Variants in GPR149 observed in about 807,000 individuals in gnomAD.
GPR149 encodes the protein G protein-coupled receptor 149, also known as probable G protein-coupled receptor 149.
GPR149 carries 50 observed loss-of-function variants against 50.2 expected under a neutral mutation model. The observed-to-expected ratio is 1.00, with a 90% CI of 0.79 to 1.26. The LOEUF is 1.26. Among genes scored for constraint, GPR149 ranks in the 50% most tolerant of loss-of-function variants. The probability of loss-of-function intolerance (pLI) is 0.00; values close to 1 mark genes in which losing one functional copy is unlikely to be tolerated. For synonymous variants in GPR149, 405 were observed against 358.2 expected (o/e 1.13, Z -1.48); for missense variants, 983 against 895.4 (o/e 1.10, Z -1.25).
chr3:154,351,157 G>A, intron 3 of GPR149, among the ~76,000 whole-genome samples: 1 of 151,482 alleles, frequency 6.6e-6, no homozygotes, highest in African/African-American at 2.4e-5. Context: ...GTTGCTAGAG[G>A]GATAGAGACA....
At chr3:154,361,281 C>T (rs1714372852) in intron 3 of GPR149, among the ~76,000 whole-genome samples, 1 of 152,128 alleles carries the variant, frequency 6.6e-6, no homozygotes, top group Admixed American at 6.5e-5. Flanking sequence ...AGACACTTGC[C>T]TTCAGGGGAA....
Position 154,429,327 on chromosome 3 carries a change from C to G in GPR149, c.289G>C (p.Val97Leu). The G allele has an allele frequency of 1.2e-6, 2 of 1,614,156 alleles. No individual in the cohort carries two copies. The highest frequency in any genetic ancestry group is 1.7e-6 in the Non-Finnish European group (2 of 1,180,016). ...IFMFLQWPNEVPGYFQFLCTT... is the reference protein window; with the variant it reads ...IFMFLQWPNELPGYFQFLCTT... ...CACAGAAATTGGAAGTAACCGGGGA[C>G]CTCGTTTGGCCACTGCAAAAACATG... is the stretch of plus-strand genomic sequence containing the variant. Residue 97 changes from valine to leucine, a missense_variant, in exon 1 of 4, where the codon GTC becomes CTC. Val to Leu is a conservative substitution (Grantham distance 32). Coordinates refer to ENST00000389740, the MANE Select transcript of GPR149 (RefSeq NM_001038705.3).
intron 3 of GPR149, among the ~76,000 whole-genome samples, chr3:154,372,732 G>A (rs1042025999): frequency 3.3e-5 from 5 of 152,142 alleles, no homozygotes; most frequent in African/African-American, 1.2e-4. Flanking sequence ...TGAGATATTG[G>A]TATATCAAGA....
chr3:154,407,419 G>A (rs1447114956), intron 3 of GPR149, among the ~76,000 whole-genome samples: 3 of 151,918 alleles, frequency 2.0e-5, no homozygotes, highest in Non-Finnish European at 2.9e-5. Flanking sequence ...CAGGGGTGTG[G>A]GTTAGCAATT....
intron 3 of GPR149, among the ~76,000 whole-genome samples, chr3:154,339,949 C>G (rs1452003155): frequency 6.6e-6 from 1 of 151,680 alleles, no homozygotes; most frequent in African/African-American, 2.4e-5. Flanking sequence ...ACCACCACCC[C>G]CGCCTAATTT....
At chr3:154,423,418 C>A (rs1712200761) in intron 2 of GPR149, among the ~76,000 whole-genome samples, 1 of 151,788 alleles carries the variant, frequency 6.6e-6, no homozygotes, top group Non-Finnish European at 1.5e-5. Flanking sequence ...TCTTGCTAAT[C>A]AGACCCATGA....
intron 3 of GPR149, among the ~76,000 whole-genome samples, chr3:154,397,717 C>G (rs577510986): frequency 6.6e-6 from 1 of 152,252 alleles, no homozygotes; most frequent in South Asian, 2.1e-4. Context: ...TTAAAGCTAG[C>G]ACTGTGACAT....
rs764434189 is a variant in GPR149 at position 154,428,785 on chromosome 3, C to T, written c.831G>A (p.Pro277=). 6.2e-7 allele frequency: 1 copy of T among 1,613,938 alleles called. No homozygotes were observed. The highest frequency in any genetic ancestry group is 1.1e-5 in the South Asian group (1 of 91,076). Residue 277 remains proline, a synonymous_variant, in exon 1 of 4, where the codon CCG becomes CCA. Coordinates refer to ENST00000389740, the MANE Select transcript of GPR149 (RefSeq NM_001038705.3). The part of the protein sequence containing the change: ...CSPSSDTVFG[P]GAPAAAGAEA... ...CAGCCCCAGCGGCAGCGGGCGCACC[C>T]GGTCCGAACACGGTGTCGGAGCTCG...
At chr3:154,364,329 A>G (rs1010907297) in intron 3 of GPR149, among the ~76,000 whole-genome samples, 5 of 152,172 alleles carry the variant, frequency 3.3e-5, no homozygotes, top group African/African-American at 7.2e-5. Flanking sequence ...CCACTCTTGG[A>G]TCCTCAAAAT....
chr3:154,401,572 AT>A lies in GPR149; in HGVS notation c.1623+19466del, dbSNP rs1047106566. On this transcript the variant is annotated intron_variant, in intron 3 of 3. Transcript: ENST00000389740. ...TACCTAAGGAGAAAAACAACTATTA[AT>A]TCCTAGAGTATGTGATATCCAGAAG... Among the ~76,000 whole-genome samples, 6 of 152,314 alleles carry A rather than the reference AT, an allele frequency of 3.9e-5. No individual in the cohort carries two copies. The South Asian group carries it at 1.2e-3, about 32-fold the overall frequency.
At position 154,429,446 on chromosome 3, in the gene GPR149, GA is replaced by G; in HGVS notation, c.169del (p.Ser57ProfsTer3). 6.2e-7 allele frequency: 1 copy of G among 1,614,180 alleles called. No homozygotes were observed. The highest frequency in any genetic ancestry group is 8.5e-7 in the Non-Finnish European group (1 of 1,180,030). ...AGTTCTGTTCTGCATTTTCAGCAGGGAAATTAGTGAATAAATGCTGCCCACC... is the reference window on the plus strand; with the variant it reads ...AGTTCTGTTCTGCATTTTCAGCAGGGAATTAGTGAATAAATGCTGCCCACC... ...ALVGSIYSLI[S>X]LLKMQNRTVV... On this transcript the variant is annotated frameshift_variant, in exon 1 of 4. Coordinates refer to ENST00000389740, the MANE Select transcript of GPR149 (RefSeq NM_001038705.3). LOFTEE classifies it high-confidence loss of function.
At chr3:154,410,486 A>G (rs1287724575) in intron 3 of GPR149, among the ~76,000 whole-genome samples, 1 of 151,964 alleles carries the variant, frequency 6.6e-6, no homozygotes, top group Non-Finnish European at 1.5e-5. Context: ...TCTTCAGGAG[A>G]CTCGCCTAAC....
chr3:154,344,587 T>C lies in GPR149; in HGVS notation c.1624-6316A>G, dbSNP rs566033283. ...TGTATGAGGTCATACCGAATGAAGA[T>C]GGGCCTTATCCAATGACTCTTATCC... is the stretch of plus-strand genomic sequence containing the variant. On this transcript the variant is annotated intron_variant, in intron 3 of 3. Transcript: ENST00000389740. 3.3e-5 allele frequency among the ~76,000 whole-genome samples: 5 copies of C among 152,280 alleles called. No individual in the cohort carries two copies. The East Asian group carries it at 7.7e-4, about 24-fold the overall frequency.
intron 3 of GPR149, among the ~76,000 whole-genome samples, chr3:154,394,472 T>A (rs1485505705): frequency 6.6e-6 from 1 of 152,070 alleles, no homozygotes; most frequent in Non-Finnish European, 1.5e-5. Context: ...CTTTATGATG[T>A]TACTATTGGC....
intron 3 of GPR149, among the ~76,000 whole-genome samples, chr3:154,343,114 A>C (rs538443689): frequency 6.6e-6 from 1 of 152,350 alleles, no homozygotes; most frequent in South Asian, 2.1e-4. Flanking sequence ...ATATAAAAGC[A>C]AGCAAATTGC....
intron 3 of GPR149, among the ~76,000 whole-genome samples, chr3:154,409,437 G>C (rs1179675871): frequency 6.6e-6 from 1 of 151,998 alleles, no homozygotes; most frequent in East Asian, 1.9e-4. Flanking sequence ...AATCAAGGAG[G>C]CACCAAAGAA....
intron 3 of GPR149, among the ~76,000 whole-genome samples, chr3:154,391,536 A>G (rs146956351): frequency 1.8e-4 from 27 of 147,714 alleles, no homozygotes; most frequent in African/African-American, 6.1e-4. Flanking sequence ...AAAAAGATGA[A>G]CAAAACAACT....
In GPR149 at chr3:154,421,228, A is replaced by G; in HGVS notation, c.1434T>C (p.Ile478=). 6.2e-7 allele frequency: 1 copy of G among 1,613,558 alleles called. No homozygotes were observed. The highest frequency in any genetic ancestry group is 8.5e-7 in the Non-Finnish European group (1 of 1,179,622). ...TGTTGGAATCCTGTTTAGCTTCTGT[A>G]ATATCAGTATTTGTGCATTTGTTGA... ...RGINKCTNTD[I]TEAKQDSNNK... The change falls in exon 3 of 4, where the codon ATT becomes ATC. Residue 478 remains isoleucine, a synonymous_variant. Coordinates refer to ENST00000389740, the MANE Select transcript of GPR149 (RefSeq NM_001038705.3).
intron 3 of GPR149, among the ~76,000 whole-genome samples, chr3:154,388,311 T>C (rs114133007): frequency 0.012 from 1,842 of 151,194 alleles, 33 homozygotes; most frequent in African/African-American, 0.042. Flanking sequence ...CACATATATA[T>C]ACACACACAC....
Sources: allele counts gnomAD v4.1 joint callset (sites outside exome capture counted in the v4.1 genomes callset), GRCh38; gene constraint gnomAD v4.1.1; transcripts MANE v1.5; gene names NCBI Gene and HGNC (gene_info 2026-07-23, HGNC 2026-07-21).